Variants in KMT2C observed in about 807,000 individuals in gnomAD.
The protein encoded by KMT2C is histone-lysine N-methyltransferase 2C.
Under a neutral mutation model 507.9 loss-of-function variants are expected in KMT2C, and 88 were observed. The observed-to-expected ratio is 0.17, with a 90% CI of 0.15 to 0.21. The LOEUF (loss-of-function observed/expected upper bound fraction) is 0.21. Ranked by LOEUF, KMT2C falls within the 10% of genes least tolerant of loss-of-function variation. KMT2C has a pLI of 1.00. For synonymous variants in KMT2C, 2,049 were observed against 2,080.8 expected, an observed-to-expected ratio of 0.98 and a Z score of 0.42; for missense variants, 4,954 against 5,957.8, an observed-to-expected ratio of 0.83 and a Z score of 5.55.
chr7:152,427,078 C>T (rs1309081735), intron 1 of KMT2C, among the ~76,000 whole-genome samples: 2 of 151,978 alleles, frequency 1.3e-5, no homozygotes, highest in Admixed American at 6.6e-5. Context: ...TGCAATGGCA[C>T]GATTTCAGCT....
At chr7:152,430,448 A>T (rs1211283822) in intron 1 of KMT2C, among the ~76,000 whole-genome samples, 4 of 152,204 alleles carry the variant, frequency 2.6e-5, no homozygotes, top group Admixed American at 2.6e-4. Context: ...TGTTTGGCCC[A>T]AACATCTCAC....
chr7:152,164,792 A>G (rs2092656684), intron 42 of KMT2C, among the ~76,000 whole-genome samples: 1 of 152,252 alleles, frequency 6.6e-6, no homozygotes, highest in Non-Finnish European at 1.5e-5. Flanking sequence ...CAATTAATTA[A>G]TTCATTCCAA....
intron 7 of KMT2C, among the ~76,000 whole-genome samples, chr7:152,266,437 G>A (rs1433448855): frequency 6.6e-6 from 1 of 152,002 alleles, no homozygotes; most frequent in African/African-American, 2.4e-5. Flanking sequence ...TAGAGACGGT[G>A]TTTCGCCACA....
chr7:152,263,557 T>C lies in KMT2C; in HGVS notation c.1185-427A>G, dbSNP rs1405104123. On this transcript the variant is annotated intron_variant, in intron 8 of 58. Coordinates refer to ENST00000262189, the MANE Select transcript of KMT2C (RefSeq NM_170606.3). Reference sequence around the variant, plus strand: ...ATTTGGCATCAGATCTCTATTTGTATTCAGGCTGCTGTTTTCTAGCTGTGT... The same window carrying C: ...ATTTGGCATCAGATCTCTATTTGTACTCAGGCTGCTGTTTTCTAGCTGTGT... 2.0e-5 allele frequency among the ~76,000 whole-genome samples: 3 copies of C among 152,220 alleles called. No individual in the cohort carries two copies. The East Asian group carries it at 5.8e-4, about 29-fold the overall frequency.
chr7:152,145,325 AC>A, intron 53 of KMT2C, 30 bp from the exon 54 acceptor site: 9 of 1,609,316 alleles, frequency 5.6e-6, no homozygotes, highest in Non-Finnish European at 7.6e-6. Context: ...ACACAAAGTC[AC>A]CCCATCTGAT....
intron 6 of KMT2C, among the ~76,000 whole-genome samples, chr7:152,281,593 C>T (rs2096210593): frequency 6.6e-6 from 1 of 152,060 alleles, no homozygotes; most frequent in African/African-American, 2.4e-5. Flanking sequence ...TTAGCTGGGC[C>T]TGGTGGCAGG....
intron 38 of KMT2C, among the ~76,000 whole-genome samples, chr7:152,174,519 A>G (rs945204339): frequency 1.2e-4 from 18 of 152,300 alleles, no homozygotes; most frequent in African/African-American, 3.6e-4. Context: ...TTTCATCCAA[A>G]CTTTTGCAAT....
intron 6 of KMT2C, among the ~76,000 whole-genome samples, chr7:152,280,411 C>T (rs2096185994): frequency 2.0e-5 from 3 of 152,186 alleles, no homozygotes; most frequent in East Asian, 1.9e-4. Flanking sequence ...AATTAGCCGG[C>T]GTGGTGGCGC....
At chr7:152,368,585 A>T in intron 1 of KMT2C, 1 of 1,409,522 alleles carries the variant, frequency 7.1e-7, no homozygotes, top group Non-Finnish European at 9.9e-7. Context: ...GCAAACTGGG[A>T]AGCTCAACAA....
At chr7:152,426,018 T>C (rs2097813747) in intron 1 of KMT2C, among the ~76,000 whole-genome samples, 1 of 152,146 alleles carries the variant, frequency 6.6e-6, no homozygotes, top group Non-Finnish European at 1.5e-5. Context: ...TAAAAAACTT[T>C]GGAATAATAT....
intron 2 of KMT2C, among the ~76,000 whole-genome samples, chr7:152,348,356 G>C (rs1216837150): frequency 6.6e-6 from 1 of 151,854 alleles, no homozygotes; most frequent in Non-Finnish European, 1.5e-5. Context: ...TAGCACTTTG[G>C]GAGGCCGAGG....
At chr7:152,184,981 C>A (rs1254058991) in intron 34 of KMT2C, among the ~76,000 whole-genome samples, 1 of 152,158 alleles carries the variant, frequency 6.6e-6, no homozygotes, top group Non-Finnish European at 1.5e-5. Context: ...GTCTTGAACT[C>A]CTGGGCTCAA....
rs376283989 is a variant in KMT2C, at chr7:152,330,643, G to A, written c.347C>T (p.Ser116Leu). 3.7e-5 allele frequency: 59 copies of A among 1,613,944 alleles called. No homozygotes were observed. Among genetic ancestry groups the A allele is most frequent in the African/African-American group, 5.3e-5 (4 of 74,904 alleles). Residue 116 changes from serine to leucine, a missense_variant, in exon 3 of 59, where the codon TCG (serine) becomes TTG (leucine). By Grantham distance (145) the Ser-to-Leu change is moderately radical (BLOSUM62 -2). This residue lies in a region of KMT2C where 233 missense variants were observed against 263.6 expected (regional missense o/e 0.88). Transcript: ENST00000262189. ...ACCAACAGAGACCAGGGAGTTTGCC[G>A]ATTCCTCAGACACAGATCGCTGAAG... ...PTLQRSVSEE[S>L]ANSLVSVGVE... is the part of the protein sequence containing the mutation.
intron 31 of KMT2C, among the ~76,000 whole-genome samples, chr7:152,192,065 C>T (rs955057921): frequency 1.3e-5 from 2 of 151,554 alleles, no homozygotes; most frequent in East Asian, 1.9e-4. Flanking sequence ...AAGAAGTCAT[C>T]CTCCCAAGAC....
At chr7:152,342,961 G>T (rs1197808224) in intron 2 of KMT2C, among the ~76,000 whole-genome samples, 1 of 152,134 alleles carries the variant, frequency 6.6e-6, no homozygotes. Context: ...TAAAAGCAGT[G>T]AAAGGGCAGG....
intron 6 of KMT2C, among the ~76,000 whole-genome samples, chr7:152,288,237 A>G (rs2096342738): frequency 6.7e-6 from 1 of 150,298 alleles, no homozygotes; most frequent in African/African-American, 2.4e-5. Flanking sequence ...TTTAAAAAAA[A>G]AAAAAAAAAA....
At chr7:152,365,095 T>C (rs2097230757) in intron 1 of KMT2C, among the ~76,000 whole-genome samples, 1 of 152,200 alleles carries the variant, frequency 6.6e-6, no homozygotes, top group Admixed American at 6.5e-5. Context: ...TGCAGGCTTC[T>C]TGTCTGAAAC....
intron 58 of KMT2C, 63 bp from the exon 59 acceptor site, chr7:152,136,987 C>T: frequency 5.8e-6 from 7 of 1,214,848 alleles, no homozygotes; most frequent in Non-Finnish European, 7.2e-6. Flanking sequence ...GTTTCTGCCT[C>T]CATCTCCCTT....
rs769034296 is a variant in KMT2C, at chr7:152,315,210, A to G, written c.518T>C (p.Ile173Thr). The change falls in exon 4 of 59, where the codon ATT (isoleucine) becomes ACT (threonine). Residue 173 changes from isoleucine (I) to threonine (T), a missense_variant. Transcript: ENST00000262189. Reference protein sequence around the residue: ...WRNQPSNKKDIDDNSNGTYEK... With the variant: ...WRNQPSNKKDTDDNSNGTYEK... The stretch of plus-strand genomic sequence containing the variant: ...ATAGGTTCCATTGCTGTTGTCATCA[A>G]TGTCCTTCTTGTTAGAAGGTTGGTT... The G allele has an allele frequency of 6.2e-7, 1 of 1,613,986 alleles. No homozygotes were observed.
Sources: allele counts gnomAD v4.1 joint callset (sites outside exome capture counted in the v4.1 genomes callset), GRCh38; gene constraint gnomAD v4.1.1; regional missense constraint gnomAD v4.1.1; transcripts MANE v1.5; gene names NCBI Gene and HGNC (gene_info 2026-07-23, HGNC 2026-07-21).